The following KCNT2 variants were observed in gnomAD, a reference collection of about 807,000 sequenced individuals.
KCNT2 encodes the protein potassium sodium-activated channel subfamily T member 2, also known as potassium channel subfamily T member 2.
KCNT2 carries 67 observed loss-of-function variants against 153.8 expected under a neutral mutation model. The ratio of observed to expected loss-of-function variants is 0.44; its 90% confidence interval spans 0.36 to 0.53. The LOEUF is 0.53. KCNT2 is among the 20% of genes least tolerant of loss of function. KCNT2 has a pLI of 0.00. For missense variants in KCNT2, 975 were observed against 1,354.8 expected, an observed-to-expected ratio of 0.72 and a Z score of 4.40; for synonymous variants, 500 against 458.8, an observed-to-expected ratio of 1.09 and a Z score of -1.15.
chr1:196,232,059 T>G (rs1357812960), intron 27 of KCNT2, among the ~76,000 whole-genome samples: 1 of 151,812 alleles, frequency 6.6e-6, no homozygotes, highest in African/African-American at 2.4e-5. Flanking sequence ...AATATACTCC[T>G]TAATGAAAAT....
At chr1:196,484,014 G>T (rs1356933297) in intron 3 of KCNT2, among the ~76,000 whole-genome samples, 1 of 152,052 alleles carries the variant, frequency 6.6e-6, no homozygotes, top group Admixed American at 6.6e-5. Flanking sequence ...CCACAACAAG[G>T]TGTGTCAGAG....
intron 3 of KCNT2, among the ~76,000 whole-genome samples, chr1:196,484,016 G>C (rs1433433588): frequency 1.3e-5 from 2 of 152,244 alleles, no homozygotes; most frequent in East Asian, 1.9e-4. Context: ...ACAACAAGGT[G>C]TGTCAGAGTG....
intron 8 of KCNT2, among the ~76,000 whole-genome samples, chr1:196,461,085 A>T (rs1677108601): frequency 6.6e-6 from 1 of 151,788 alleles, no homozygotes; most frequent in African/African-American, 2.4e-5. Flanking sequence ...TAACACCATT[A>T]GACCATGTTG....
At chr1:196,464,835 A>G (rs1572545730) in intron 8 of KCNT2, among the ~76,000 whole-genome samples, 1 of 152,082 alleles carries the variant, frequency 6.6e-6, no homozygotes, top group Non-Finnish European at 1.5e-5. Flanking sequence ...CTGTCCATAA[A>G]TCTGCCCTGG....
At position 196,423,126 on chromosome 1, in the gene KCNT2, G is replaced by A; in HGVS notation, c.1122-13C>T. On this transcript the variant is annotated splice_polypyrimidine_tract_variant and intron_variant, in intron 11 of 27. Transcript: ENST00000294725. Reference sequence around the variant, plus strand: ...AGCGTCATCCATCCTAAATACAGATGGAAAAACAAAATAATCACACACTGA... The same window carrying A: ...AGCGTCATCCATCCTAAATACAGATAGAAAAACAAAATAATCACACACTGA... 1 of 1,567,732 alleles carries A rather than the reference G, an allele frequency of 6.4e-7. No homozygotes were observed. Among genetic ancestry groups the A allele is most frequent in the Non-Finnish European group, 8.7e-7 (1 of 1,148,894 alleles).
intron 11 of KCNT2, among the ~76,000 whole-genome samples, chr1:196,424,639 A>AAC (rs1185915558): frequency 1.3e-5 from 2 of 151,998 alleles, no homozygotes; most frequent in Admixed American, 6.6e-5. Context: ...CCAATTAGAT[A>AAC]ACACTCATTA....
intron 18 of KCNT2, among the ~76,000 whole-genome samples, chr1:196,329,200 A>T (rs1055412611): frequency 6.6e-6 from 1 of 152,038 alleles, no homozygotes; most frequent in Non-Finnish European, 1.5e-5. Context: ...CACTTCACAG[A>T]CACAGTAGAG....
At chr1:196,561,282 A>C (rs962433647) in intron 1 of KCNT2, among the ~76,000 whole-genome samples, 1 of 151,448 alleles carries the variant, frequency 6.6e-6, no homozygotes, top group Admixed American at 6.6e-5. Flanking sequence ...AAGTTTTAGG[A>C]AAAAAAAGAT....
intron 1 of KCNT2, among the ~76,000 whole-genome samples, chr1:196,601,011 G>T (rs1277923485): frequency 6.6e-6 from 1 of 152,100 alleles, no homozygotes; most frequent in African/African-American, 2.4e-5. Context: ...TTTCTCCATA[G>T]CTATGGATAG....
intron 8 of KCNT2, among the ~76,000 whole-genome samples, chr1:196,447,679 A>T (rs571911642): frequency 6.6e-6 from 1 of 151,722 alleles, no homozygotes; most frequent in Non-Finnish European, 1.5e-5. Context: ...AAGAAAGGGG[A>T]GGAGTCCAGA....
At chr1:196,475,121 T>G (rs1678417158) in intron 5 of KCNT2, among the ~76,000 whole-genome samples, 1 of 152,220 alleles carries the variant, frequency 6.6e-6, no homozygotes, top group African/African-American at 2.4e-5. Context: ...TTTTTAAATA[T>G]TTAATGTATA....
intron 1 of KCNT2, among the ~76,000 whole-genome samples, chr1:196,565,951 AC>A (rs1660054568): frequency 2.0e-5 from 3 of 151,902 alleles, no homozygotes; most frequent in Non-Finnish European, 4.4e-5. Context: ...CTTGAAAATC[AC>A]TGAGAGTAGA....
chr1:196,384,893 T>A (rs969377277), intron 13 of KCNT2, among the ~76,000 whole-genome samples: 1 of 152,054 alleles, frequency 6.6e-6, no homozygotes, highest in East Asian at 1.9e-4. Flanking sequence ...CTAATCTTCA[T>A]TCCCTCTTCC....
intron 13 of KCNT2, among the ~76,000 whole-genome samples, chr1:196,390,730 T>G (rs772420439): frequency 6.6e-6 from 1 of 151,360 alleles, no homozygotes; most frequent in Non-Finnish European, 1.5e-5. Context: ...CACAATCACA[T>G]GTACACACAT....
rs1362586565 is a variant in KCNT2 at position 196,305,359 on chromosome 1, G to A, written c.2484-14C>T. 1.7e-5 allele frequency: 23 copies of A among 1,384,876 alleles called. No individual in the cohort carries two copies. In the Admixed American group the frequency reaches 3.9e-4, roughly 23 times the overall value. The allele number at this position is 1,384,876 out of a possible 1,614,324, so 85.8% of individuals were successfully genotyped here. ...CTGGAAAACAACCTACATTTCAAAA[G>A]AACATTTGCATTACACTAACAATCC... On this transcript the variant is annotated splice_polypyrimidine_tract_variant and intron_variant, in intron 21 of 27. Transcript: ENST00000294725.
In KCNT2 at chr1:196,228,325, G is replaced by A; in HGVS notation, c.3307C>T (p.Arg1103Ter). 1.9e-6 allele frequency: 3 copies of A among 1,587,050 alleles called. No homozygotes were observed. The highest frequency in any genetic ancestry group is 2.6e-6 in the Non-Finnish European group (3 of 1,158,150). ...GGAAGGTAGGCCAGTGGATCTGGTC[G>A]AATTAAGTATCTAATAAAAGAAAAC... ...IELNDVVYLIRPDPLAYLPNS... is the reference protein window; with the variant it reads ...IELNDVVYLI Residue 1103 changes from arginine to a stop codon, truncating the protein, a stop_gained, in exon 28 of 28, where the codon CGA (arginine) becomes TGA (stop). Coordinates refer to ENST00000294725, the MANE Select transcript of KCNT2 (RefSeq NM_198503.5). LOFTEE classifies it high-confidence loss of function.
intron 26 of KCNT2, among the ~76,000 whole-genome samples, chr1:196,248,139 C>A (rs971841465): frequency 1.3e-5 from 2 of 151,804 alleles, no homozygotes; most frequent in African/African-American, 4.8e-5. Context: ...CTATGGGGTA[C>A]AATGAAAGCG....
intron 14 of KCNT2, among the ~76,000 whole-genome samples, chr1:196,343,554 CTG>C (rs1293431317): frequency 2.0e-5 from 3 of 152,034 alleles, no homozygotes; most frequent in Non-Finnish European, 4.4e-5. Flanking sequence ...CCATTTTAAA[CTG>C]AGTATTGTCT....
At chr1:196,459,109 AT>A (rs930753537) in intron 8 of KCNT2, among the ~76,000 whole-genome samples, 237 of 148,882 alleles carry the variant, frequency 1.6e-3, no homozygotes, top group African/African-American at 4.7e-3. Flanking sequence ...TTTCTAGGGG[AT>A]TTTTTTTTTG....
Sources: gnomAD v4.1 joint callset for allele counts (sites outside exome capture counted in the v4.1 genomes callset) on GRCh38, gnomAD v4.1.1 for gene constraint, MANE v1.5 for transcripts, NCBI Gene and HGNC (gene_info 2026-07-23, HGNC 2026-07-21) for gene names.